Variants in ATAD3B observed in about 807,000 individuals in gnomAD.
ATAD3B encodes ATPase family AAA domain containing 3B.
ATAD3B carries 59 observed loss-of-function variants against 70.2 expected under a neutral mutation model. The observed-to-expected ratio is 0.84, with a 90% confidence interval of 0.68 to 1.04. The LOEUF is 1.04. ATAD3B is among the 50% of genes least tolerant of loss of function. The pLI, the probability that ATAD3B is intolerant of heterozygous loss-of-function variation, is 0.00. For missense variants in ATAD3B, 961 were observed against 913.4 expected (o/e 1.05, Z -0.67); for synonymous variants, 423 against 388.6 (o/e 1.09, Z -1.04).
At chr1:1,479,358 C>G (rs1046093242) in intron 4 of ATAD3B, among the ~76,000 whole-genome samples, 2 of 147,132 alleles carry the variant, frequency 1.4e-5, no homozygotes, top group African/African-American at 5.1e-5. Flanking sequence ...CGCACACACA[C>G]TCCCGGCAGA....
intron 10 of ATAD3B, 137 bp downstream of exon 10, chr1:1,486,372 G>C (rs146336885): frequency 2.5e-6 from 4 of 1,576,894 alleles, no homozygotes; most frequent in Non-Finnish European, 3.4e-6. Context: ...TCAGGGTGCT[G>C]GTGTGGGCAG....
intron 1 of ATAD3B, among the ~76,000 whole-genome samples, 160 bp from the exon 2 acceptor site, chr1:1,477,114 A>G (rs1417964018): frequency 6.6e-6 from 1 of 151,484 alleles, no homozygotes; most frequent in East Asian, 2.0e-4. Flanking sequence ...GGTTCAAGCC[A>G]TCCTCCCACC....
At chr1:1,480,689 G>A (rs1639863770) in intron 4 of ATAD3B, among the ~76,000 whole-genome samples, 178 bp from the exon 5 acceptor site, 1 of 147,230 alleles carries the variant, frequency 6.8e-6, no homozygotes, top group African/African-American at 2.5e-5. Context: ...CATCCCCTCA[G>A]TGACTGCCGT....
chr1:1,498,100 C>G (rs1256768346), downstream of ATAD3B, among the ~76,000 whole-genome samples: 2 of 151,454 alleles, frequency 1.3e-5, no homozygotes, highest in Non-Finnish European at 2.9e-5. Context: ...GTCAGGAGTT[C>G]GAGACCAGCC....
intron 7 of ATAD3B, 51 bp downstream of exon 7, chr1:1,482,665 G>A: frequency 6.2e-7 from 1 of 1,611,888 alleles, no homozygotes; most frequent in Non-Finnish European, 8.5e-7. Context: ...GGCAGCATGT[G>A]GGGGCCTCCT....
rs569834397 is a variant in ATAD3B, at chr1:1,473,134, CTT to C, written c.205+1068_205+1069del. Among the ~76,000 whole-genome samples the C allele has an allele frequency of 3.5e-3, 297 of 84,398 alleles. 2 individuals carry two copies. The highest frequency in any genetic ancestry group is 0.015 in the African/African-American group (245 of 16,752). 55.4% of individuals were successfully genotyped at this position (84,398 alleles called of 152,430 possible). A position where few individuals can be genotyped will look rare whatever the true frequency, so the allele number is the denominator to read the frequency against. ...CACAGCGCCCAGACAGAAGGGATTC[CTT>C]TTTTTTTTTTTTTTTTTTTTTTGAG... On this transcript the variant is annotated intron_variant, in intron 1 of 15. Coordinates refer to ENST00000673477, the MANE Select transcript of ATAD3B (RefSeq NM_031921.6).
At chr1:1,486,026 GC>G (rs1640192905) in intron 9 of ATAD3B, 83 bp from the exon 10 acceptor site, 1 of 1,603,826 alleles carries the variant, frequency 6.2e-7, no homozygotes, top group Admixed American at 1.7e-5. Flanking sequence ...AGCAGAGTCC[GC>G]ACCCGGGCAT....
At position 1,487,921 on chromosome 1, in the gene ATAD3B, G is replaced by T. The variant is rs1640319551; in HGVS notation, c.1266+7G>T. 3 of 1,612,946 alleles carry T rather than the reference G, an allele frequency of 1.9e-6. No individual in the cohort carries two copies. The South Asian group carries it at 3.3e-5, about 18-fold the overall frequency. ...CCTTCGGAAGCGAGCCACTGTGAGTGTCACTAAGCCTCTGTCTGGCCACAG... is the reference window on the plus strand; with the variant it reads ...CCTTCGGAAGCGAGCCACTGTGAGTTTCACTAAGCCTCTGTCTGGCCACAG... On this transcript the variant is annotated splice_region_variant and intron_variant, in intron 12 of 15. Transcript: ENST00000673477.
chr1:1,508,236 G>C, the ATAD3B span, among the ~76,000 whole-genome samples: 1 of 151,338 alleles, frequency 6.6e-6, no homozygotes, highest in Non-Finnish European at 1.5e-5. Context: ...CTGGGCCCCT[G>C]ACCCACAGTG....
In ATAD3B at chr1:1,471,847, G is replaced by T. The variant is rs1639340820; in HGVS notation, c.-38G>T. On this transcript the variant is annotated 5_prime_UTR_variant, in exon 1 of 16. Coordinates refer to ENST00000673477, the MANE Select transcript of ATAD3B (RefSeq NM_031921.6). ...GCCGCGCCCGAGTCAGACTCGGGTG[G>T]GGGTCCCGGCGGCGGTAGCGGCGGC... 7.9e-7 allele frequency: 1 copy of T among 1,269,448 alleles called. No individual in the cohort carries two copies. The allele number at this position is 1,269,448 out of a possible 1,614,324, so 78.6% of individuals were successfully genotyped here.
rs1206923921 is a variant in ATAD3B, at chr1:1,485,080, G to T, written c.815G>T (p.Gly272Val). Residue 272 changes from glycine to valine, a missense_variant, in exon 8 of 16, where the codon GGC becomes GTC. Physicochemically the swap from Gly to Val is moderately radical, Grantham distance 109 (BLOSUM62 -3). Around this residue, in one of 4 missense-constraint regions of ATAD3B, gnomAD observed 349 missense variants for 307.5 expected, o/e 1.14. Transcript: ENST00000673477. ...GCCAAGAATGCGACAGCCGTCACTG[G>T]CCGCTTCATCGAGGCTCGGCTGGGG... ...YSAKNATAVTGRFIEARLGKP... is the reference protein window; with the variant it reads ...YSAKNATAVTVRFIEARLGKP... 4.3e-6 allele frequency: 7 copies of T among 1,609,448 alleles called. No homozygotes were observed. The highest frequency in any genetic ancestry group is 5.1e-6 in the Non-Finnish European group (6 of 1,178,764).
intron 13 of ATAD3B, 127 bp downstream of exon 13, chr1:1,489,401 T>C: frequency 1.3e-6 from 2 of 1,514,234 alleles, no homozygotes; most frequent in South Asian, 2.4e-5. Flanking sequence ...CCACCTCAGA[T>C]GTCCCCTGGG....
chr1:1,482,020 T>C (rs867182047), intron 5 of ATAD3B, 118 bp from the exon 6 acceptor site: 20 of 1,441,818 alleles, frequency 1.4e-5, no homozygotes, highest in Non-Finnish European at 1.5e-5. Context: ...TGGGCCTGTC[T>C]GTGGCGTTGG....
intron 1 of ATAD3B, among the ~76,000 whole-genome samples, chr1:1,473,964 G>A (rs778539476): frequency 3.3e-5 from 5 of 151,988 alleles, no homozygotes; most frequent in Non-Finnish European, 7.4e-5. Context: ...TCTGGCCCCG[G>A]CTGGGTCTCA....
chr1:1,485,934 GA>G, intron 9 of ATAD3B, 96 bp downstream of exon 9: 1 of 1,603,288 alleles, frequency 6.2e-7, no homozygotes, highest in Non-Finnish European at 8.5e-7. Flanking sequence ...TGGCGCCCAG[GA>G]GCTTTTGGGT....
chr1:1,487,521 G>C (rs1483915421), intron 11 of ATAD3B, among the ~76,000 whole-genome samples: 1 of 151,826 alleles, frequency 6.6e-6, no homozygotes, highest in Non-Finnish European at 1.5e-5. Flanking sequence ...TCCTTGCGTG[G>C]ACTCTTGAGC....
chr1:1,477,745 G>A (rs565689834), intron 2 of ATAD3B, among the ~76,000 whole-genome samples: 2 of 151,026 alleles, frequency 1.3e-5, no homozygotes, highest in Admixed American at 6.6e-5. Context: ...TCTCACTCTT[G>A]CCTAGGCTGG....
At chr1:1,476,616 C>T (rs1363949961) in intron 1 of ATAD3B, among the ~76,000 whole-genome samples, 7 of 151,628 alleles carry the variant, frequency 4.6e-5, no homozygotes, top group Admixed American at 6.6e-5. Context: ...TCACGCCATT[C>T]TCCTGCCTCA....
Position 1,489,234 on chromosome 1 carries a change from C to A in ATAD3B, c.1297C>A (p.Leu433Met), listed in dbSNP as rs367570286. 1.3e-5 allele frequency: 21 copies of A among 1,613,514 alleles called. No homozygotes were observed. In the Admixed American group the frequency reaches 2.5e-4, roughly 19 times the overall value. The stretch of plus-strand genomic sequence containing the variant: ...GATAAGCAAGGACCTCAGAGCCACA[C>A]TGAACGCCTTCCTGTACCACATGGG... Reference protein sequence around the residue: ...EEISKDLRATLNAFLYHMGQH... With the variant: ...EEISKDLRATMNAFLYHMGQH... The change falls in exon 13 of 16, where the codon CTG becomes ATG. Residue 433 changes from leucine (L) to methionine (M), a missense_variant. Physicochemically the swap from Leu to Met is conservative, Grantham distance 15. Coordinates refer to ENST00000673477, the MANE Select transcript of ATAD3B (RefSeq NM_031921.6).
Sources: allele counts gnomAD v4.1 joint callset (sites outside exome capture counted in the v4.1 genomes callset), GRCh38; gene constraint gnomAD v4.1.1; regional missense constraint gnomAD v4.1.1; transcripts MANE v1.5; gene names NCBI Gene and HGNC (gene_info 2026-07-23, HGNC 2026-07-21).